MAPK8IP3: variants seen among roughly 807,000 people sequenced by gnomAD.
MAPK8IP3 encodes the protein mitogen-activated protein kinase 8 interacting protein 3.
In MAPK8IP3, 49 loss-of-function variants were observed where a neutral mutation model predicts 157.8. The observed-to-expected ratio is 0.31, with a 90% CI of 0.25 to 0.39. The LOEUF is 0.39. Ranked by LOEUF, MAPK8IP3 falls within the 10% of genes least tolerant of loss-of-function variation. MAPK8IP3 has a pLI of 1.00. For synonymous variants in MAPK8IP3, 897 were observed against 777.7 expected (o/e 1.15, Z -2.55); for missense variants, 1,478 against 1,889.4 (o/e 0.78, Z 4.04).
In MAPK8IP3 at chr16:1,764,289, C is replaced by G; in HGVS notation, c.2122-12C>G. ...GTGCCGGTGACACCCGACCTCGGCC[C>G]TGCCCTTGCAGCTGTGGTGTGCCGC... On this transcript the variant is annotated splice_polypyrimidine_tract_variant and intron_variant, in intron 18 of 31. Transcript: ENST00000610761. 1 of 1,582,720 alleles carries G rather than the reference C, an allele frequency of 6.3e-7. No homozygotes were observed. Among genetic ancestry groups the G allele is most frequent in the Non-Finnish European group, 8.6e-7 (1 of 1,165,668 alleles).
At chr16:1,722,682 T>C (rs1432276143) in intron 1 of MAPK8IP3, among the ~76,000 whole-genome samples, 3 of 151,074 alleles carry the variant, frequency 2.0e-5, no homozygotes, top group Non-Finnish European at 4.4e-5. Context: ...CTGGGAACCA[T>C]AGCAAGACCC....
At position 1,743,647 on chromosome 16, in the gene MAPK8IP3, G is replaced by T; in HGVS notation, c.747+171G>T. On this transcript the variant is annotated intron_variant, in intron 5 of 31. Coordinates refer to ENST00000610761, the MANE Select transcript of MAPK8IP3 (RefSeq NM_001318852.2). The surrounding 1 kb of genome is among the most constrained non-coding windows in gnomAD (Gnocchi z 5.6). The stretch of plus-strand genomic sequence containing the variant: ...ACCCAGCCAGGGTGTCAGGGGCTCA[G>T]GCTGCCCAGCAGGCCCTGTGTGGCT... The T allele has an allele frequency of 7.0e-7, 1 of 1,438,832 alleles. No individual in the cohort carries two copies. Among genetic ancestry groups the T allele is most frequent in the East Asian group, 2.7e-5 (1 of 36,638 alleles). The allele number at this position is 1,438,832 out of a possible 1,614,324, so 89.1% of individuals were successfully genotyped here.
intron 4 of MAPK8IP3, among the ~76,000 whole-genome samples, chr16:1,729,924 C>T (rs1228989877): frequency 1.3e-5 from 2 of 151,970 alleles, no homozygotes; most frequent in Non-Finnish European, 2.9e-5. Context: ...TATCTGTGAC[C>T]TCAGCCGGGC....
chr16:1,755,850 C>CA (rs59789858), intron 8 of MAPK8IP3, among the ~76,000 whole-genome samples: 2,521 of 68,680 alleles, frequency 0.037, 68 homozygotes, highest in African/African-American at 0.079. Flanking sequence ...GAGTCTTTCT[C>CA]AAAAAAAAAA....
chr16:1,720,953 G>T (rs1363966351), intron 1 of MAPK8IP3, among the ~76,000 whole-genome samples: 1 of 151,850 alleles, frequency 6.6e-6, no homozygotes, highest in African/African-American at 2.4e-5. Flanking sequence ...AGAATTGCTT[G>T]CACCCAGGGG....
At chr16:1,755,990 A>G (rs62040025) in intron 8 of MAPK8IP3, among the ~76,000 whole-genome samples, 5,758 of 152,244 alleles carry the variant, frequency 0.038, 182 homozygotes, top group Admixed American at 0.093. Flanking sequence ...AAATAAGACA[A>G]TCGAGGCTGA....
Position 1,763,788 on chromosome 16 carries a change from G to A in MAPK8IP3, c.2025+5G>A. The A allele has an allele frequency of 3.2e-6, 5 of 1,541,676 alleles. No individual in the cohort carries two copies. Among genetic ancestry groups the A allele is most frequent in the Non-Finnish European group, 4.4e-6 (5 of 1,142,150 alleles). The stretch of plus-strand genomic sequence containing the variant: ...CTGCCCGCCAAGTACAAGCAGGTGC[G>A]GGCGGGCGCTGCGGGGACCGGGCGG... On this transcript the variant is annotated splice_donor_5th_base_variant and intron_variant, in intron 17 of 31. Transcript: ENST00000610761.
At chr16:1,739,617 ACC>A (rs2040486344) in intron 4 of MAPK8IP3, among the ~76,000 whole-genome samples, 1 of 110,638 alleles carries the variant, frequency 9.0e-6, no homozygotes, top group African/African-American at 3.7e-5. Flanking sequence ...CTTCCGTGTG[ACC>A]GTCCGTGTGA....
chr16:1,763,588 G>A, intron 16 of MAPK8IP3, 69 bp from the exon 17 acceptor site: 1 of 1,415,684 alleles, frequency 7.1e-7, no homozygotes, highest in Non-Finnish European at 9.3e-7. Flanking sequence ...CCTCCCCCAG[G>A]ACAAGCCTGG....
chr16:1,724,491 C>T lies in MAPK8IP3; in HGVS notation c.319-66C>T. The T allele has an allele frequency of 6.4e-7, 1 of 1,574,472 alleles. No homozygotes were observed. Among genetic ancestry groups the T allele is most frequent in the African/African-American group, 1.3e-5 (1 of 74,096 alleles). ...TGGGCCCTCAAAGCCTGCGGCCCTTCAAGTGAAAGGCGGCTGCTCCACACT... is the reference window on the plus strand; with the variant it reads ...TGGGCCCTCAAAGCCTGCGGCCCTTTAAGTGAAAGGCGGCTGCTCCACACT... On this transcript the variant is annotated intron_variant, in intron 1 of 31. Transcript: ENST00000610761. The surrounding 1 kb of genome is among the most constrained non-coding windows in gnomAD (Gnocchi z 4.1).
Position 1,729,471 on chromosome 16 carries a change from G to T in MAPK8IP3, c.511-16G>T. The T allele has an allele frequency of 6.2e-7, 1 of 1,609,460 alleles. No individual in the cohort carries two copies. Among genetic ancestry groups the T allele is most frequent in the African/African-American group, 1.3e-5 (1 of 74,990 alleles). ...CCCCCACGGCAGCGCTAATGCAGGC[G>T]TTTCCCTCCTCGCAGATGATACAGA... On this transcript the variant is annotated splice_polypyrimidine_tract_variant and intron_variant, in intron 3 of 31. Coordinates refer to ENST00000610761, the MANE Select transcript of MAPK8IP3 (RefSeq NM_001318852.2).
chr16:1,767,133 C>A lies in MAPK8IP3; in HGVS notation c.3089-16C>A, dbSNP rs376027335. 18 of 1,612,466 alleles carry A rather than the reference C, an allele frequency of 1.1e-5. No homozygotes were observed. The highest frequency in any genetic ancestry group is 1.5e-5 in the Non-Finnish European group (18 of 1,179,680). On this transcript the variant is annotated splice_polypyrimidine_tract_variant and intron_variant, in intron 25 of 31. Coordinates refer to ENST00000610761, the MANE Select transcript of MAPK8IP3 (RefSeq NM_001318852.2). ...GGCCTGGCCAGGCCTGAGCAGGTGT[C>A]CGGGGCTCCCTCCAGATGGCCAGTG...
At chr16:1,746,850 G>C (rs768699286) in intron 5 of MAPK8IP3, 179 bp from the exon 6 acceptor site, 5 of 688,208 alleles carry the variant, frequency 7.3e-6, no homozygotes, top group East Asian at 2.8e-5. Context: ...AGAGCCACTC[G>C]GGAGTGGTGA....
chr16:1,743,831 C>T lies in MAPK8IP3; in HGVS notation c.747+355C>T. The T allele has an allele frequency of 8.8e-7, 1 of 1,140,724 alleles. No homozygotes were observed. The highest frequency in any genetic ancestry group is 2.4e-5 in the South Asian group (1 of 41,248). The allele number at this position is 1,140,724 out of a possible 1,614,324, so 70.7% of individuals were successfully genotyped here. On this transcript the variant is annotated intron_variant, in intron 5 of 31. Transcript: ENST00000610761. The surrounding 1 kb of genome is among the most constrained non-coding windows in gnomAD (Gnocchi z 5.6). ...ACACCCCCACATAAAGCCTCATGCTCACCCGGGCTCCAGCCAGACACATCC... is the reference window on the plus strand; with the variant it reads ...ACACCCCCACATAAAGCCTCATGCTTACCCGGGCTCCAGCCAGACACATCC...
In MAPK8IP3 at chr16:1,766,975, G is replaced by C; in HGVS notation, c.3088+4G>C. The stretch of plus-strand genomic sequence containing the variant: ...GCCATCTTCCACCGTGGTGAAGGTG[G>C]GGCCTGGCAGCACGGGGTGTGTGGG... On this transcript the variant is annotated splice_donor_region_variant and intron_variant, in intron 25 of 31. Transcript: ENST00000610761. 6.3e-7 allele frequency: 1 copy of C among 1,583,368 alleles called. No homozygotes were observed. The highest frequency in any genetic ancestry group is 8.6e-7 in the Non-Finnish European group (1 of 1,162,398).
chr16:1,759,877 T>C, intron 10 of MAPK8IP3, 81 bp from the exon 11 acceptor site: 2 of 1,258,310 alleles, frequency 1.6e-6, no homozygotes, highest in African/African-American at 2.9e-5. Flanking sequence ...TTTGGAAGCG[T>C]TGTTGCCCTG....
chr16:1,741,928 C>A lies in MAPK8IP3; in HGVS notation c.603-1404C>A, dbSNP rs1222631991. 6.6e-6 allele frequency among the ~76,000 whole-genome samples: 1 copy of A among 152,130 alleles called. No individual in the cohort carries two copies. The highest frequency in any genetic ancestry group is 2.4e-5 in the African/African-American group (1 of 41,424). On this transcript the variant is annotated intron_variant, in intron 4 of 31. Transcript: ENST00000610761. The surrounding 1 kb of genome is among the most constrained non-coding windows in gnomAD (Gnocchi z 6.9). ...CTTCCCAGGGTCATTCTTCATAGCTCCCCACCCAGGTAGCGGAGCTCCTGG... is the reference window on the plus strand; with the variant it reads ...CTTCCCAGGGTCATTCTTCATAGCTACCCACCCAGGTAGCGGAGCTCCTGG...
At chr16:1,749,097 G>A (rs930201520) in intron 8 of MAPK8IP3, among the ~76,000 whole-genome samples, 3 of 152,160 alleles carry the variant, frequency 2.0e-5, no homozygotes, top group Admixed American at 6.5e-5. Flanking sequence ...GTACAGACAC[G>A]GCCACCACAG....
chr16:1,739,184 A>C (rs1409197835), intron 4 of MAPK8IP3, among the ~76,000 whole-genome samples: 4 of 104,414 alleles, frequency 3.8e-5, no homozygotes, highest in African/African-American at 7.6e-5. Context: ...CCATGTGAGC[A>C]TCCGTGTGAC....
Sources: gnomAD v4.1 joint callset for allele counts (sites outside exome capture counted in the v4.1 genomes callset) on GRCh38, gnomAD v4.1.1 for gene constraint, Gnocchi (gnomAD v3.1) non-coding constraint, MANE v1.5 for transcripts, NCBI Gene and HGNC (gene_info 2026-07-23, HGNC 2026-07-21) for gene names.